The following BANK1 variants were observed in gnomAD, a reference collection of about 807,000 sequenced individuals.
The protein encoded by BANK1 is B cell scaffold protein with ankyrin repeats 1.
Under a neutral mutation model 94.5 loss-of-function variants are expected in BANK1, and 95 were observed. The observed-to-expected ratio is 1.00, with a 90% CI of 0.85 to 1.19. The LOEUF (loss-of-function observed/expected upper bound fraction) is 1.19. BANK1 is among the 50% of genes most tolerant of loss of function. BANK1 has a pLI of 0.00. For missense variants in BANK1, 987 were observed against 932.2 expected, an observed-to-expected ratio of 1.06 and a Z score of -0.77; for synonymous variants, 334 against 308.4, an observed-to-expected ratio of 1.08 and a Z score of -0.87.
intron 7 of BANK1, among the ~76,000 whole-genome samples, chr4:101,979,617 A>C (rs1725258683): frequency 6.6e-6 from 1 of 151,886 alleles, no homozygotes. Flanking sequence ...GTGACTATCT[A>C]TGTCTATCTC....
chr4:101,870,379 T>G (rs1367790852), intron 4 of BANK1, 126 bp from the exon 5 acceptor site: 3 of 801,616 alleles, frequency 3.7e-6, no homozygotes, highest in African/African-American at 3.6e-5. Flanking sequence ...AAAAATGATT[T>G]TAAGTGCTAG....
intron 1 of BANK1, among the ~76,000 whole-genome samples, chr4:101,820,593 A>G (rs1293738171): frequency 6.6e-6 from 1 of 152,034 alleles, no homozygotes; most frequent in African/African-American, 2.4e-5. Context: ...CCAGTACCCA[A>G]TAGTTATCTT....
intron 7 of BANK1, among the ~76,000 whole-genome samples, chr4:101,956,904 C>T (rs896298783): frequency 2.6e-5 from 4 of 152,152 alleles, no homozygotes; most frequent in African/African-American, 9.7e-5. Flanking sequence ...TACTCAACAT[C>T]AGATAATTTA....
chr4:102,071,296 A>G lies in BANK1; in HGVS notation c.2234A>G (p.His745Arg). ...NVYNKLTIVH[H>R]PGGKETAHNE... The stretch of plus-strand genomic sequence containing the variant: ...CCAGATAAACTCACCATTGTGCACC[A>G]TCCAGGTGGTAAGTGCTTGGTATTT... The change falls in exon 14 of 17, where the codon CAT becomes CGT. Residue 745 changes from histidine (H) to arginine (R), a missense_variant. Coordinates refer to ENST00000322953, the MANE Select transcript of BANK1 (RefSeq NM_017935.5). The G allele has an allele frequency of 6.2e-7, 1 of 1,613,968 alleles. No homozygotes were observed. The highest frequency in any genetic ancestry group is 8.5e-7 in the Non-Finnish European group (1 of 1,179,852).
At chr4:102,054,783 T>C (rs1728174420) in intron 11 of BANK1, among the ~76,000 whole-genome samples, 1 of 152,106 alleles carries the variant, frequency 6.6e-6, no homozygotes, top group South Asian at 2.1e-4. Flanking sequence ...ATAAGAGTTA[T>C]TCTACCAAGG....
intron 11 of BANK1, among the ~76,000 whole-genome samples, chr4:102,045,036 A>G (rs1727832781): frequency 1.3e-5 from 2 of 151,292 alleles, no homozygotes; most frequent in Non-Finnish European, 2.9e-5. Flanking sequence ...CTTTAGTTTA[A>G]TTAGATCCCA....
intron 7 of BANK1, among the ~76,000 whole-genome samples, chr4:102,015,878 C>T (rs781573941): frequency 1.3e-5 from 2 of 152,072 alleles, no homozygotes; most frequent in Non-Finnish European, 2.9e-5. Flanking sequence ...TTCTAAAATA[C>T]GGGCAGGAAC....
chr4:102,013,715 A>G (rs1010703192), intron 7 of BANK1, among the ~76,000 whole-genome samples: 6 of 151,632 alleles, frequency 4.0e-5, no homozygotes, highest in African/African-American at 1.5e-4. Flanking sequence ...TAATCTTTTG[A>G]AGATTTGGAG....
chr4:101,967,057 T>A (rs189986468), intron 7 of BANK1, among the ~76,000 whole-genome samples: 1 of 152,126 alleles, frequency 6.6e-6, no homozygotes, highest in Non-Finnish European at 1.5e-5. Flanking sequence ...TAATCGTTAA[T>A]TGAGCACTTA....
At chr4:102,020,038 T>C (rs1726839988) in intron 7 of BANK1, among the ~76,000 whole-genome samples, 1 of 152,122 alleles carries the variant, frequency 6.6e-6, no homozygotes, top group Non-Finnish European at 1.5e-5. Context: ...TACATACACA[T>C]CCATCCACAT....
intron 7 of BANK1, among the ~76,000 whole-genome samples, chr4:101,960,955 T>A (rs927246461): frequency 1.3e-5 from 2 of 152,168 alleles, no homozygotes; most frequent in South Asian, 2.1e-4. Context: ...AGCCTTTTTT[T>A]AAAACCAACT....
intron 2 of BANK1, among the ~76,000 whole-genome samples, chr4:101,830,768 G>A (rs1454945948): frequency 6.6e-6 from 1 of 152,188 alleles, no homozygotes; most frequent in Non-Finnish European, 1.5e-5. Flanking sequence ...TCTGCTAGGT[G>A]TGAAAGGGGT....
intron 9 of BANK1, among the ~76,000 whole-genome samples, chr4:102,028,453 C>G (rs969687024): frequency 6.6e-6 from 1 of 152,146 alleles, no homozygotes; most frequent in Admixed American, 6.5e-5. Flanking sequence ...ATCTTAATCT[C>G]GCCTCATAAT....
chr4:101,906,597 A>G (rs773531875), intron 6 of BANK1, among the ~76,000 whole-genome samples: 3 of 152,136 alleles, frequency 2.0e-5, no homozygotes, highest in Admixed American at 2.0e-4. Flanking sequence ...TAGCTGGTAA[A>G]TAAACATGCT....
rs1724122097 is a variant in BANK1 at position 101,950,777 on chromosome 4, G to T, written c.1206+32588G>T. Among the ~76,000 whole-genome samples the T allele has an allele frequency of 2.6e-5, 4 of 152,230 alleles. No homozygotes were observed. The South Asian group carries it at 8.3e-4, about 32-fold the overall frequency. ...GCCAGGTGATCAAAGATAAGATGAG[G>T]AATGATGAGTCATGTTGATAATATG... On this transcript the variant is annotated intron_variant, in intron 7 of 16. Transcript: ENST00000322953.
chr4:101,993,956 C>T (rs1347713702), intron 7 of BANK1, among the ~76,000 whole-genome samples: 1 of 152,184 alleles, frequency 6.6e-6, no homozygotes, highest in Admixed American at 6.5e-5. Flanking sequence ...TTGTCTTTGT[C>T]TACATGGTGC....
At chr4:102,035,899 A>T (rs1727495972) in intron 10 of BANK1, among the ~76,000 whole-genome samples, 1 of 152,112 alleles carries the variant, frequency 6.6e-6, no homozygotes, top group Admixed American at 6.5e-5. Flanking sequence ...AGGAATTAAC[A>T]TGGATGTATG....
intron 7 of BANK1, among the ~76,000 whole-genome samples, chr4:101,954,799 A>G (rs970206135): frequency 6.6e-6 from 1 of 152,138 alleles, no homozygotes; most frequent in African/African-American, 2.4e-5. Flanking sequence ...CACACATTGA[A>G]ATTACAAAGG....
At chr4:102,035,220 G>C (rs564303508) in intron 10 of BANK1, among the ~76,000 whole-genome samples, 4 of 152,154 alleles carry the variant, frequency 2.6e-5, no homozygotes, top group Non-Finnish European at 2.9e-5. Flanking sequence ...AGCCCACACA[G>C]AACTGGACAA....
Sources: allele counts gnomAD v4.1 joint callset (sites outside exome capture counted in the v4.1 genomes callset), GRCh38; gene constraint gnomAD v4.1.1; transcripts MANE v1.5; gene names NCBI Gene and HGNC (gene_info 2026-07-23, HGNC 2026-07-21).